SYN3: variants seen among roughly 807,000 people sequenced by gnomAD.
The protein encoded by SYN3 is synapsin-3.
Under a neutral mutation model 65.8 loss-of-function variants are expected in SYN3, and 35 were observed. That is an observed-to-expected ratio of 0.53 (90% CI 0.41 to 0.70). The LOEUF (loss-of-function observed/expected upper bound fraction) is 0.70, where lower values mean the gene tolerates loss of function less well. SYN3 is among the 30% of genes least tolerant of loss of function. The pLI is 0.00. For missense variants in SYN3, 680 were observed against 749.0 expected (o/e 0.91, Z 1.08); for synonymous variants, 270 against 292.9 (o/e 0.92, Z 0.80).
rs145553035 is a variant in SYN3 at position 32,858,021 on chromosome 22, C to T, written c.711+6894G>A. Reference sequence around the variant, plus strand: ...TTTTCTTCTTTCCTCCTGTAGGTCGCGTCTATGATGGCAAGATGTACACGG... The same window carrying T: ...TTTTCTTCTTTCCTCCTGTAGGTCGTGTCTATGATGGCAAGATGTACACGG... On this transcript the variant is annotated intron_variant, in intron 6 of 13. Coordinates refer to ENST00000358763, the MANE Select transcript of SYN3 (RefSeq NM_003490.4). The T allele has an allele frequency of 2.1e-5, 34 of 1,614,024 alleles. No individual in the cohort carries two copies. In the East Asian group the frequency reaches 2.9e-4, roughly 14 times the overall value.
chr22:32,931,578 T>A, intron 3 of SYN3, 97 bp from the exon 4 acceptor site: 4 of 774,514 alleles, frequency 5.2e-6, no homozygotes, highest in Non-Finnish European at 9.0e-6. Context: ...AAAGTACACC[T>A]TTAAAGCTCC....
chr22:32,637,062 G>A (rs9619283), intron 6 of SYN3, among the ~76,000 whole-genome samples: 41,795 of 152,094 alleles, frequency 0.27, 8,746 homozygotes, highest in African/African-American at 0.58. Flanking sequence ...AGAAATGACA[G>A]CAACAACAAC....
intron 6 of SYN3, among the ~76,000 whole-genome samples, chr22:32,812,756 G>A (rs1189992554): frequency 6.6e-6 from 1 of 152,206 alleles, no homozygotes; most frequent in Admixed American, 6.5e-5. Flanking sequence ...AAGTGAATGA[G>A]GAGGGTATTT....
At position 33,048,658 on chromosome 22, in the gene SYN3, G is replaced by C. The variant is rs78462249; in HGVS notation, c.-163+9634C>G. On this transcript the variant is annotated intron_variant, in intron 1 of 13. Transcript: ENST00000358763. ...CCTTCGCCTTCTGCCATGAGTTAAA[G>C]CTTCCTGAGGCCTCACCAGAAGCTG... Among the ~76,000 whole-genome samples the C allele has an allele frequency of 1.3e-3, 205 of 152,264 alleles. 3 individuals are homozygous for C. The East Asian group carries it at 0.036, about 27-fold the overall frequency.
intron 4 of SYN3, among the ~76,000 whole-genome samples, chr22:32,892,446 T>C (rs1023778685): frequency 1.3e-5 from 2 of 152,176 alleles, no homozygotes; most frequent in Non-Finnish European, 2.9e-5. Flanking sequence ...TTTTGTAGGA[T>C]AGTGTGGGAA....
chr22:32,734,759 G>C (rs1159286323), intron 6 of SYN3, among the ~76,000 whole-genome samples: 1 of 152,124 alleles, frequency 6.6e-6, no homozygotes, highest in Non-Finnish European at 1.5e-5. Context: ...CCTAGGTCTT[G>C]GGCTAAATCC....
intron 6 of SYN3, among the ~76,000 whole-genome samples, chr22:32,726,900 A>T (rs2061202170): frequency 6.6e-6 from 1 of 152,166 alleles, no homozygotes; most frequent in African/African-American, 2.4e-5. Context: ...TTCTACAGAT[A>T]GAAGACAGAA....
At chr22:32,609,286 T>TGC (rs2059410555) in intron 6 of SYN3, among the ~76,000 whole-genome samples, 1 of 151,940 alleles carries the variant, frequency 6.6e-6, no homozygotes, top group South Asian at 2.1e-4. Flanking sequence ...ATGGAGCCAC[T>TGC]ACTCCAGCCT....
In SYN3 at chr22:32,945,543, A is replaced by G. The variant is rs572204252; in HGVS notation, c.370-14062T>C. Reference sequence around the variant, plus strand: ...TACACCTCATACAAAAATTAATTCAAGATGGATTAAAGACTTAAATGTTAG... The same window carrying G: ...TACACCTCATACAAAAATTAATTCAGGATGGATTAAAGACTTAAATGTTAG... On this transcript the variant is annotated intron_variant, in intron 3 of 13. Transcript: ENST00000358763. 5.3e-3 allele frequency among the ~76,000 whole-genome samples: 809 copies of G among 152,354 alleles called. 6 individuals are homozygous for G. Among genetic ancestry groups the G allele is most frequent in the African/African-American group, 0.019 (780 of 41,574 alleles).
chr22:32,731,416 A>G (rs1397214959), intron 6 of SYN3, among the ~76,000 whole-genome samples: 2 of 152,206 alleles, frequency 1.3e-5, no homozygotes, highest in East Asian at 3.9e-4. Flanking sequence ...TCTGGGATGA[A>G]GCTGCCAGCC....
chr22:32,852,322 C>T (rs563495006), intron 6 of SYN3, among the ~76,000 whole-genome samples: 1 of 152,290 alleles, frequency 6.6e-6, no homozygotes, highest in African/African-American at 2.4e-5. Context: ...TAAATGCCCA[C>T]TCCATATGTT....
intron 6 of SYN3, chr22:32,630,007 CG>C (rs1569106293): frequency 7.0e-6 from 1 of 142,434 alleles, no homozygotes; most frequent in East Asian, 2.0e-4. Context: ...TTTTTTGAGA[CG>C]GAGTCTCGCT....
intron 12 of SYN3, among the ~76,000 whole-genome samples, chr22:32,522,670 G>A (rs747115531): frequency 1.6e-4 from 24 of 152,100 alleles, no homozygotes; most frequent in Non-Finnish European, 2.9e-4. Flanking sequence ...ATAGTTATTC[G>A]TAGTAAATTA....
chr22:32,604,874 C>T lies in SYN3; in HGVS notation c.712-8138G>A, dbSNP rs184176993. ...CAAAAAAATTAGCCGGGCGTGGTGG[C>T]GGGTGCCTGTAGTCCCAGCTACTCG... On this transcript the variant is annotated intron_variant, in intron 6 of 13. Transcript: ENST00000358763. Among the ~76,000 whole-genome samples, 54 of 151,794 alleles carry T rather than the reference C, an allele frequency of 3.6e-4. No individual in the cohort carries two copies. In the Middle Eastern group the frequency reaches 0.01, roughly 29 times the overall value.
chr22:32,648,515 A>T (rs2060016469), intron 6 of SYN3, among the ~76,000 whole-genome samples: 1 of 152,222 alleles, frequency 6.6e-6, no homozygotes, highest in Non-Finnish European at 1.5e-5. Context: ...GGAAACCCGG[A>T]CTTAAAGTTT....
At chr22:32,720,001 T>G (rs1473621161) in intron 6 of SYN3, among the ~76,000 whole-genome samples, 1 of 152,200 alleles carries the variant, frequency 6.6e-6, no homozygotes, top group African/African-American at 2.4e-5. Flanking sequence ...AGGAAGCAGG[T>G]AGATACCCAG....
chr22:32,536,280 T>C (rs955898679), intron 9 of SYN3, among the ~76,000 whole-genome samples: 53 of 152,270 alleles, frequency 3.5e-4, no homozygotes, highest in African/African-American at 1.2e-3. Context: ...TCCAAGAGAC[T>C]CATTAGCACA....
intron 6 of SYN3, among the ~76,000 whole-genome samples, chr22:32,795,763 A>G (rs2046414880): frequency 6.6e-6 from 1 of 152,210 alleles, no homozygotes; most frequent in South Asian, 2.1e-4. Context: ...GGAGAGGTAG[A>G]AAGCAGAATC....
At chr22:33,015,299 G>T in intron 1 of SYN3, 2 of 628,382 alleles carry the variant, frequency 3.2e-6, no homozygotes, top group South Asian at 3.6e-5. Context: ...AACGGCGTTT[G>T]AACAACATTT....
Sources: gnomAD v4.1 joint callset for allele counts (sites outside exome capture counted in the v4.1 genomes callset) on GRCh38, gnomAD v4.1.1 for gene constraint, MANE v1.5 for transcripts, NCBI Gene and HGNC (gene_info 2026-07-23, HGNC 2026-07-21) for gene names.